The following PHACTR1 variants were observed in gnomAD, a reference collection of about 807,000 sequenced individuals.
PHACTR1 encodes phosphatase and actin regulator 1.
In PHACTR1, 16 loss-of-function variants were observed where a neutral mutation model predicts 69.2. The observed-to-expected ratio is 0.23, with a 90% confidence interval of 0.16 to 0.35. The LOEUF is 0.35. PHACTR1 is among the 10% of genes least tolerant of loss of function. The pLI is 1.00. For synonymous variants in PHACTR1, 312 were observed against 284.5 expected, an observed-to-expected ratio of 1.10 and a Z score of -0.97; for missense variants, 510 against 734.7, an observed-to-expected ratio of 0.69 and a Z score of 3.54.
At chr6:12,760,794 G>C (rs9367224) in intron 4 of PHACTR1, among the ~76,000 whole-genome samples, 1 of 152,150 alleles carries the variant, frequency 6.6e-6, no homozygotes, top group Non-Finnish European at 1.5e-5. Context: ...TTAGCTGGGC[G>C]TGAGGGTGCA....
chr6:13,265,455 G>T (rs751042221), intron 10 of PHACTR1, among the ~76,000 whole-genome samples: 3 of 152,224 alleles, frequency 2.0e-5, no homozygotes, highest in Non-Finnish European at 4.4e-5. Context: ...CTGCAGGAGA[G>T]AATTTTTAAA....
rs1310685448 is a variant in PHACTR1 at position 13,245,113 on chromosome 6, C to T, written c.1391+14920C>T. 6.6e-6 allele frequency among the ~76,000 whole-genome samples: 1 copy of T among 152,214 alleles called. No individual in the cohort carries two copies. Among genetic ancestry groups the T allele is most frequent in the Admixed American group, 6.5e-5 (1 of 15,286 alleles). On this transcript the variant is annotated intron_variant, in intron 10 of 14. Coordinates refer to ENST00000332995, the MANE Select transcript of PHACTR1 (RefSeq NM_030948.6). The surrounding 1 kb of genome is among the most constrained non-coding windows in gnomAD (Gnocchi z 4.1). The stretch of plus-strand genomic sequence containing the variant: ...TATTTAGGTTGATTCCATGTCTTCA[C>T]TGTGGGCAGTGAATAGTGCTGTGAT...
At chr6:13,272,771 T>C in intron 10 of PHACTR1, 89 bp from the exon 11 acceptor site, 2 of 1,613,698 alleles carry the variant, frequency 1.2e-6, no homozygotes, top group Non-Finnish European at 1.7e-6. Context: ...AGCCACTGAC[T>C]GTCTCATGTA....
At chr6:12,926,233 T>A (rs1257817752) in intron 4 of PHACTR1, among the ~76,000 whole-genome samples, 2 of 152,192 alleles carry the variant, frequency 1.3e-5, no homozygotes, top group Admixed American at 1.3e-4. Context: ...CTTTCCAGTG[T>A]CTCTCTTGGA....
At chr6:13,264,517 C>T (rs1776338079) in intron 10 of PHACTR1, among the ~76,000 whole-genome samples, 2 of 151,796 alleles carry the variant, frequency 1.3e-5, no homozygotes, top group African/African-American at 2.4e-5. Context: ...GTCAGGAGTT[C>T]GAGACCAGCC....
intron 11 of PHACTR1, among the ~76,000 whole-genome samples, chr6:13,276,479 A>AG: frequency 6.9e-6 from 1 of 144,222 alleles, no homozygotes; most frequent in Non-Finnish European, 1.6e-5. Context: ...TCCTTTAAAG[A>AG]CCTGTCCCAA....
chr6:13,196,791 C>A (rs976036929), intron 7 of PHACTR1, among the ~76,000 whole-genome samples: 1 of 152,190 alleles, frequency 6.6e-6, no homozygotes, highest in Non-Finnish European at 1.5e-5. Context: ...AGAAACCTCT[C>A]CTGGAGCATT....
chr6:13,212,586 C>T (rs1173599740), intron 8 of PHACTR1, among the ~76,000 whole-genome samples: 1 of 152,182 alleles, frequency 6.6e-6, no homozygotes, highest in Non-Finnish European at 1.5e-5. Context: ...TTGAGCGTCT[C>T]TTCTCCAAAA....
chr6:12,782,443 G>A (rs12525210), intron 4 of PHACTR1, among the ~76,000 whole-genome samples: 10,632 of 152,230 alleles, frequency 0.07, 466 homozygotes, highest in Admixed American at 0.1. Context: ...GGGACAAGCT[G>A]TAATCAGCTT....
chr6:13,051,119 C>T (rs1161750375), intron 4 of PHACTR1, among the ~76,000 whole-genome samples: 1 of 152,118 alleles, frequency 6.6e-6, no homozygotes, highest in African/African-American at 2.4e-5. Context: ...AGGCCGACCC[C>T]CCCATTCTAC....
chr6:12,913,711 A>G (rs1231885883), intron 4 of PHACTR1, among the ~76,000 whole-genome samples: 1 of 152,222 alleles, frequency 6.6e-6, no homozygotes, highest in Non-Finnish European at 1.5e-5. Flanking sequence ...TTTGTGGCCC[A>G]GAATCATCAG....
Position 12,819,139 on chromosome 6 carries a change from C to T in PHACTR1, c.250+69349C>T, listed in dbSNP as rs1379205220. On this transcript the variant is annotated intron_variant, in intron 4 of 14. Coordinates refer to ENST00000332995, the MANE Select transcript of PHACTR1 (RefSeq NM_030948.6). Reference sequence around the variant, plus strand: ...CATCTTCCAACTGATTAGTGTGTCTCATCTGCCACTCTATTTCCATACCAT... The same window carrying T: ...CATCTTCCAACTGATTAGTGTGTCTTATCTGCCACTCTATTTCCATACCAT... Among the ~76,000 whole-genome samples, 3 of 152,206 alleles carry T rather than the reference C, an allele frequency of 2.0e-5. No homozygotes were observed. The East Asian group carries it at 5.8e-4, about 29-fold the overall frequency.
chr6:13,155,172 C>T (rs1414688726), intron 5 of PHACTR1, among the ~76,000 whole-genome samples: 1 of 152,192 alleles, frequency 6.6e-6, no homozygotes, highest in Non-Finnish European at 1.5e-5. Context: ...AATTTATCTA[C>T]TGTTCTTTGT....
chr6:12,866,663 A>T (rs1013718906), intron 4 of PHACTR1, among the ~76,000 whole-genome samples: 8 of 152,154 alleles, frequency 5.3e-5, no homozygotes, highest in African/African-American at 1.9e-4. Context: ...ATTTATATTC[A>T]CAATGGTTAA....
intron 5 of PHACTR1, among the ~76,000 whole-genome samples, chr6:13,057,878 C>T (rs1435495331): frequency 6.6e-6 from 1 of 152,146 alleles, no homozygotes; most frequent in Non-Finnish European, 1.5e-5. Flanking sequence ...AGCATTAAGA[C>T]CCAGGGGCTG....
chr6:13,228,146 C>T (rs1191139814), intron 9 of PHACTR1, 83 bp downstream of exon 9: 13 of 1,487,294 alleles, frequency 8.7e-6, no homozygotes, highest in Non-Finnish European at 1.2e-5. Context: ...AGCAGCCCAG[C>T]AGTCTGGGTT....
intron 10 of PHACTR1, among the ~76,000 whole-genome samples, chr6:13,237,837 A>G (rs1216694380): frequency 2.0e-5 from 3 of 152,264 alleles, no homozygotes; most frequent in Non-Finnish European, 2.9e-5. Flanking sequence ...GGTATGTTAC[A>G]GTACTGAATA....
At chr6:12,920,664 G>C (rs1199718796) in intron 4 of PHACTR1, among the ~76,000 whole-genome samples, 1 of 152,196 alleles carries the variant, frequency 6.6e-6, no homozygotes, top group Non-Finnish European at 1.5e-5. Context: ...GTAGAATTAT[G>C]GTGAATGTAA....
At chr6:12,915,635 A>G (rs1336250905) in intron 4 of PHACTR1, among the ~76,000 whole-genome samples, 1 of 152,122 alleles carries the variant, frequency 6.6e-6, no homozygotes, top group East Asian at 1.9e-4. Context: ...ATCACAGAGC[A>G]GGTACTAAGA....
Sources: gnomAD v4.1 joint callset for allele counts (sites outside exome capture counted in the v4.1 genomes callset) on GRCh38, gnomAD v4.1.1 for gene constraint, Gnocchi (gnomAD v3.1) non-coding constraint, MANE v1.5 for transcripts, NCBI Gene and HGNC (gene_info 2026-07-23, HGNC 2026-07-21) for gene names.